C12orf42: variants seen among roughly 807,000 people sequenced by gnomAD.
The protein encoded by C12orf42 is chromosome 12 open reading frame 42.
In C12orf42, 25 loss-of-function variants were observed where a neutral mutation model predicts 21.6. The observed-to-expected ratio is 1.16, with a 90% confidence interval of 0.84 to 1.62. The LOEUF is 1.62. C12orf42 is among the 40% of genes most tolerant of loss of function. C12orf42 has a pLI of 0.00. For synonymous variants in C12orf42, 174 were observed against 175.0 expected (o/e 0.99, Z 0.05); for missense variants, 483 against 459.3 (o/e 1.05, Z -0.47).
At chr12:103,541,194 G>A in the C12orf42 span, among the ~76,000 whole-genome samples, 2 of 152,162 alleles carry the variant, frequency 1.3e-5, no homozygotes, top group South Asian at 4.1e-4. Context: ...GTGAGCCACT[G>A]CGCCCAGCTA....
intron 4 of C12orf42, among the ~76,000 whole-genome samples, chr12:103,331,923 T>C (rs1371167001): frequency 6.6e-6 from 1 of 152,218 alleles, no homozygotes; most frequent in Non-Finnish European, 1.5e-5. Context: ...GAGTTGGTTC[T>C]ATGCAATAGT....
At chr12:103,258,729 C>A (rs923665023) in intron 10 of C12orf42, among the ~76,000 whole-genome samples, 2 of 151,900 alleles carry the variant, frequency 1.3e-5, no homozygotes, top group East Asian at 3.9e-4. Context: ...GGTACCTTTG[C>A]AAATAGCATC....
intron 3 of C12orf42, among the ~76,000 whole-genome samples, chr12:103,376,872 C>T (rs1223898553): frequency 6.6e-6 from 1 of 151,994 alleles, no homozygotes; most frequent in African/African-American, 2.4e-5. Context: ...TTTCTCCCCT[C>T]TGTGTTCTCA....
chr12:103,348,592 A>G (rs2042836913), intron 4 of C12orf42, among the ~76,000 whole-genome samples: 1 of 152,196 alleles, frequency 6.6e-6, no homozygotes, highest in Non-Finnish European at 1.5e-5. Flanking sequence ...GTACTTTTCC[A>G]TAGCAAAATA....
chr12:103,150,980 C>T, the C12orf42 span, among the ~76,000 whole-genome samples: 1 of 152,114 alleles, frequency 6.6e-6, no homozygotes, highest in African/African-American at 2.4e-5. Context: ...CACTCTGTCA[C>T]CCAGGCTGGA....
the C12orf42 span, among the ~76,000 whole-genome samples, chr12:103,140,239 T>C: frequency 6.6e-6 from 1 of 152,188 alleles, no homozygotes; most frequent in African/African-American, 2.4e-5. Flanking sequence ...AAAAACACAC[T>C]GGCTTCTGTT....
chr12:103,174,272 T>C, the C12orf42 span, among the ~76,000 whole-genome samples: 1 of 152,192 alleles, frequency 6.6e-6, no homozygotes, highest in Non-Finnish European at 1.5e-5. Flanking sequence ...TTACTTGGAT[T>C]CAGGGTCAAC....
intron 2 of C12orf42, among the ~76,000 whole-genome samples, chr12:103,450,432 A>C (rs1951864804): frequency 6.6e-6 from 1 of 152,044 alleles, no homozygotes; most frequent in South Asian, 2.1e-4. Context: ...ATTTTCTATC[A>C]GTGTTCATGA....
the C12orf42 span, among the ~76,000 whole-genome samples, chr12:103,196,520 T>C: frequency 6.6e-6 from 1 of 152,208 alleles, no homozygotes; most frequent in Admixed American, 6.5e-5. Context: ...ATCTGGCTAA[T>C]ACTATTAGTG....
chr12:103,528,026 C>T, the C12orf42 span, among the ~76,000 whole-genome samples: 11 of 152,290 alleles, frequency 7.2e-5, no homozygotes, highest in Admixed American at 6.5e-4. Context: ...TATTTTCTAT[C>T]CCCAAATTGT....
At chr12:103,277,082 T>C (rs1051897605) in intron 5 of C12orf42, 11 of 454,116 alleles carry the variant, frequency 2.4e-5, no homozygotes, top group South Asian at 1.6e-4. Flanking sequence ...TTTGGGAAGA[T>C]TGCTGGATAC....
the C12orf42 span, among the ~76,000 whole-genome samples, chr12:103,218,073 G>T: frequency 6.6e-6 from 1 of 152,268 alleles, no homozygotes; most frequent in South Asian, 2.1e-4. Flanking sequence ...CTGAGGTCAG[G>T]AGTTCGAGAC....
the C12orf42 span, among the ~76,000 whole-genome samples, chr12:103,197,569 C>G: frequency 6.6e-6 from 1 of 152,110 alleles, no homozygotes; most frequent in South Asian, 2.1e-4. Flanking sequence ...TTTATTCCAG[C>G]TATTTAAGTC....
At chr12:103,354,881 A>G (rs1404406155) in intron 4 of C12orf42, among the ~76,000 whole-genome samples, 1 of 152,050 alleles carries the variant, frequency 6.6e-6, no homozygotes, top group Non-Finnish European at 1.5e-5. Context: ...ATTGTATTGT[A>G]TATTATCAAA....
downstream of C12orf42, among the ~76,000 whole-genome samples, chr12:103,298,450 C>A (rs3930671): frequency 0.12 from 18,924 of 152,080 alleles, 1,388 homozygotes; most frequent in African/African-American, 0.2. Flanking sequence ...TCAACGAAAT[C>A]AAAGAGGATA....
In C12orf42 at chr12:103,384,838, T is replaced by C. The variant is rs138056322; in HGVS notation, c.148-15840A>G. Among the ~76,000 whole-genome samples, 1,114 of 152,276 alleles carry C rather than the reference T, an allele frequency of 7.3e-3. 19 individuals carry two copies. The highest frequency in any genetic ancestry group is 0.026 in the African/African-American group (1,062 of 41,538). On this transcript the variant is annotated intron_variant, in intron 3 of 5. Coordinates refer to ENST00000548883, the MANE Select transcript of C12orf42 (RefSeq NM_198521.5). The stretch of plus-strand genomic sequence containing the variant: ...GCCTCAGGGTTAACAGGAGGCCATG[T>C]AACACACTGGGAAGAGTTCAGACAT...
At chr12:103,337,517 A>G (rs2041804532) in intron 4 of C12orf42, among the ~76,000 whole-genome samples, 1 of 152,066 alleles carries the variant, frequency 6.6e-6, no homozygotes, top group Non-Finnish European at 1.5e-5. Flanking sequence ...TGTCTGGCTA[A>G]TTTTTATTTG....
At chr12:103,147,503 C>CTTTTTTTTTTTT in the C12orf42 span, among the ~76,000 whole-genome samples, 10 of 99,958 alleles carry the variant, frequency 1.0e-4, no homozygotes, top group Non-Finnish European at 1.2e-4. Flanking sequence ...CTTTTTTTTT[C>CTTTTTTTTTTTT]TTTTTTTTTT....
chr12:103,401,634 C>CA lies in C12orf42; in HGVS notation c.119dup (p.Trp41ValfsTer3). ...TTGCACTGGGTGTGCTTCTATCCCACAGGGTGGCACTGCTCACAATGGGAA... is the reference window on the plus strand; with the variant it reads ...TTGCACTGGGTGTGCTTCTATCCCACAAGGGTGGCACTGCTCACAATGGGAA... On this transcript the variant is annotated frameshift_variant, in exon 3 of 6. Coordinates refer to ENST00000548883, the MANE Select transcript of C12orf42 (RefSeq NM_198521.5). LOFTEE classifies it high-confidence loss of function. The CA allele has an allele frequency of 6.2e-7, 1 of 1,613,974 alleles. No individual in the cohort carries two copies. Among genetic ancestry groups the CA allele is most frequent in the East Asian group, 2.2e-5 (1 of 44,884 alleles).
Sources: allele counts gnomAD v4.1 joint callset (sites outside exome capture counted in the v4.1 genomes callset), GRCh38; gene constraint gnomAD v4.1.1; transcripts MANE v1.5; gene names NCBI Gene and HGNC (gene_info 2026-07-23, HGNC 2026-07-21).